Variants in ERICH1 observed in about 807,000 individuals in gnomAD.
ERICH1 encodes the protein glutamate rich 1.
ERICH1 carries 56 observed loss-of-function variants against 39.6 expected under a neutral mutation model. The ratio of observed to expected loss-of-function variants is 1.41; its 90% CI spans 1.14 to 1.77. The LOEUF is 1.77. Ranked by LOEUF, ERICH1 falls within the 40% of genes most tolerant of loss-of-function variation. The pLI, the probability that ERICH1 is intolerant of heterozygous loss-of-function variation, is 0.00. For missense variants in ERICH1, 826 were observed against 575.4 expected (o/e 1.44, Z -4.45); for synonymous variants, 313 against 223.6 (o/e 1.40, Z -3.57).
chr8:634,954 G>A (rs1045198919), intron 3 of ERICH1, among the ~76,000 whole-genome samples: 1 of 152,216 alleles, frequency 6.6e-6, no homozygotes, highest in African/African-American at 2.4e-5. Context: ...GGTGCCTCTG[G>A]GGAAGGAAGG....
chr8:697,663 G>A (rs1050342125), intron 2 of ERICH1, among the ~76,000 whole-genome samples: 1 of 151,924 alleles, frequency 6.6e-6, no homozygotes, highest in African/African-American at 2.4e-5. Flanking sequence ...TGCCCACCCC[G>A]CACAGTCCTT....
At chr8:699,927 A>C (rs1275895267) in intron 2 of ERICH1, among the ~76,000 whole-genome samples, 3 of 138,540 alleles carry the variant, frequency 2.2e-5, no homozygotes, top group Non-Finnish European at 4.7e-5. Context: ...AGGCCCGCAC[A>C]GGCGCACAGA....
chr8:677,431 C>T (rs1004248191), intron 3 of ERICH1, among the ~76,000 whole-genome samples: 8 of 152,334 alleles, frequency 5.3e-5, no homozygotes, highest in South Asian at 4.1e-4. Flanking sequence ...GAAGCAGCTC[C>T]GCACACAGTC....
intron 2 of ERICH1, among the ~76,000 whole-genome samples, chr8:708,372 A>G (rs906508288): frequency 6.6e-6 from 1 of 152,204 alleles, no homozygotes; most frequent in Non-Finnish European, 1.5e-5. Flanking sequence ...TGTTACTGAC[A>G]ATAGCTAAAA....
At chr8:642,776 T>G (rs551748915) in intron 3 of ERICH1, among the ~76,000 whole-genome samples, 1 of 151,694 alleles carries the variant, frequency 6.6e-6, no homozygotes, top group Non-Finnish European at 1.5e-5. Context: ...GCTCAGAGGG[T>G]CAGTGTGAGT....
chr8:673,367 C>T lies in ERICH1; in HGVS notation c.985G>A (p.Asp329Asn). The change falls in exon 4 of 6, where the codon GAT becomes AAT. Residue 329 changes from aspartate to asparagine, a missense_variant. Coordinates refer to ENST00000262109, the MANE Select transcript of ERICH1 (RefSeq NM_207332.3). ...GCCTTTTCATTGGTAATTGTATCAT[C>T]TTCCTCGCTGGCGTCTGCACCGTCC... ...EEDGADASEE[D>N]DTITNEKAHS... is the part of the protein sequence containing the mutation. 6.2e-7 allele frequency: 1 copy of T among 1,614,210 alleles called. No individual in the cohort carries two copies.
rs148675539 is a variant in ERICH1 at position 681,817 on chromosome 8, C to T, written c.305-7770G>A. Among the ~76,000 whole-genome samples the T allele has an allele frequency of 1.3e-3, 203 of 152,320 alleles. 1 individual carries two copies. The highest frequency in any genetic ancestry group is 4.6e-3 in the African/African-American group (193 of 41,564). The stretch of plus-strand genomic sequence containing the variant: ...AGCCTTCGTCAGGCTCCGGAACCTC[C>T]TCTGAGGCCCACCTGTGCGCTTCCC... On this transcript the variant is annotated intron_variant, in intron 3 of 5. Transcript: ENST00000262109.
intron 2 of ERICH1, among the ~76,000 whole-genome samples, chr8:709,803 A>ATT (rs1200694814): frequency 6.6e-6 from 1 of 152,104 alleles, no homozygotes; most frequent in Non-Finnish European, 1.5e-5. Flanking sequence ...TACAGATATT[A>ATT]TTTTTTCACT....
At chr8:687,626 A>C (rs1554511161) in intron 3 of ERICH1, among the ~76,000 whole-genome samples, 1 of 152,164 alleles carries the variant, frequency 6.6e-6, no homozygotes, top group Non-Finnish European at 1.5e-5. Flanking sequence ...GGAGCGCAGC[A>C]GGAGGAAGGC....
chr8:702,724 A>C (rs910025413), intron 2 of ERICH1, among the ~76,000 whole-genome samples: 27 of 152,334 alleles, frequency 1.8e-4, no homozygotes, highest in Admixed American at 1.6e-3. Flanking sequence ...TGTGGGAGCG[A>C]CACTGGTGCC....
downstream of ERICH1, among the ~76,000 whole-genome samples, chr8:660,984 C>T (rs1801348934): frequency 6.6e-6 from 1 of 152,300 alleles, no homozygotes; most frequent in African/African-American, 2.4e-5. Context: ...GGCACTGTGA[C>T]CTTGGCTCGC....
In ERICH1 at chr8:639,737, CA is replaced by C. The variant is rs1798778995; in HGVS notation, c.977-24454del. Among the ~76,000 whole-genome samples the C allele has an allele frequency of 1.6e-5, 2 of 121,712 alleles. 1 individual carries two copies. The highest frequency in any genetic ancestry group is 6.5e-5 in the African/African-American group (2 of 30,694). The allele number at this position is 121,712 out of a possible 152,430, so 79.8% of individuals were successfully genotyped here. A position where few individuals can be genotyped will look rare whatever the true frequency, so the allele number is the denominator to read the frequency against. On this transcript the variant is annotated intron_variant, in intron 3 of 3. Transcript: ENST00000522706. ...CAGCCACGAATCCAGTTAGCAGACA[CA>C]ACCAAGCACCCTGGATTCAGAGGCA...
intron 3 of ERICH1, among the ~76,000 whole-genome samples, chr8:681,904 T>C (rs1047019775): frequency 2.6e-5 from 4 of 152,142 alleles, no homozygotes; most frequent in African/African-American, 7.2e-5. Flanking sequence ...GACACCTGAT[T>C]GGGCTCCTCA....
intron 1 of ERICH1, among the ~76,000 whole-genome samples, chr8:726,589 CAT>C (rs1379545181): frequency 1.3e-5 from 2 of 151,078 alleles, no homozygotes; most frequent in African/African-American, 2.4e-5. Context: ...GGCGCACACA[CAT>C]ACACACACAG....
At chr8:725,989 A>G (rs1818531834) in intron 1 of ERICH1, 1 of 152,478 alleles carries the variant, frequency 6.6e-6, no homozygotes, top group African/African-American at 2.4e-5. Flanking sequence ...TGAGTAGAAA[A>G]TGTCAAAGCC....
At chr8:636,939 G>A (rs949692470) in intron 3 of ERICH1, among the ~76,000 whole-genome samples, 9 of 152,122 alleles carry the variant, frequency 5.9e-5, no homozygotes, top group African/African-American at 2.2e-4. Flanking sequence ...TTCCTTCTCA[G>A]CATTTCCCAG....
chr8:654,818 C>G (rs1585061347), intron 3 of ERICH1, among the ~76,000 whole-genome samples: 1 of 152,180 alleles, frequency 6.6e-6, no homozygotes, highest in Admixed American at 6.5e-5. Flanking sequence ...CAGGTAGATA[C>G]ACCATGGGTT....
chr8:672,366 G>C (rs1585177190), intron 4 of ERICH1, among the ~76,000 whole-genome samples: 1 of 152,228 alleles, frequency 6.6e-6, no homozygotes, highest in Admixed American at 6.5e-5. Flanking sequence ...GAAGAGGCTA[G>C]AGTGCTCTTC....
intron 2 of ERICH1, among the ~76,000 whole-genome samples, chr8:698,294 C>T (rs1452923191): frequency 2.0e-5 from 3 of 151,578 alleles, no homozygotes; most frequent in Non-Finnish European, 4.4e-5. Context: ...TCTCCGCTCA[C>T]TGCAACTTCT....
Sources: gnomAD v4.1 joint callset for allele counts (sites outside exome capture counted in the v4.1 genomes callset) on GRCh38, gnomAD v4.1.1 for gene constraint, MANE v1.5 for transcripts, NCBI Gene and HGNC (gene_info 2026-07-23, HGNC 2026-07-21) for gene names.